VCAM1: variants seen among roughly 807,000 people sequenced by gnomAD.
VCAM1 encodes vascular cell adhesion protein 1.
Under a neutral mutation model 63.8 loss-of-function variants are expected in VCAM1, and 41 were observed. The observed-to-expected ratio is 0.64, with a 90% CI of 0.50 to 0.83. The LOEUF (loss-of-function observed/expected upper bound fraction) is 0.83. Among genes scored for constraint, VCAM1 ranks in the 40% least tolerant of loss-of-function variants. The pLI, the probability that VCAM1 is intolerant of heterozygous loss-of-function variation, is 0.00. For synonymous variants in VCAM1, 338 were observed against 320.7 expected (o/e 1.05, Z -0.58); for missense variants, 798 against 875.5 (o/e 0.91, Z 1.12).
chr1:100,732,586 C>G lies in VCAM1; in HGVS notation c.1694C>G (p.Thr565Ser), dbSNP rs751269288. ...CCTCTTTCTGAGAATGCAACTCTCACCTTAATTTCTACAAAAATGGAAGAT... is the reference window on the plus strand; with the variant it reads ...CCTCTTTCTGAGAATGCAACTCTCAGCTTAATTTCTACAAAAATGGAAGAT... ...LQPLSENATL[T>S]LISTKMEDSG... The change falls in exon 7 of 9, where the codon ACC becomes AGC. Residue 565 changes from threonine to serine, a missense_variant. Thr to Ser is a moderately conservative substitution (Grantham distance 58). Coordinates refer to ENST00000294728, the MANE Select transcript of VCAM1 (RefSeq NM_001078.4). The G allele has an allele frequency of 3.7e-6, 6 of 1,613,300 alleles. No homozygotes were observed. The highest frequency in any genetic ancestry group is 5.1e-6 in the Non-Finnish European group (6 of 1,179,712).
At chr1:100,722,438 A>C (rs1659987473) in intron 2 of VCAM1, among the ~76,000 whole-genome samples, 1 of 152,120 alleles carries the variant, frequency 6.6e-6, no homozygotes, top group Admixed American at 6.6e-5. Context: ...TATTCTTTGC[A>C]ATGACATTCC....
Position 100,723,126 on chromosome 1 carries a change from G to T in VCAM1, c.447G>T (p.Glu149Asp), listed in dbSNP as rs751452005. The T allele has an allele frequency of 6.2e-7, 1 of 1,613,104 alleles. No individual in the cohort carries two copies. The highest frequency in any genetic ancestry group is 1.1e-5 in the South Asian group (1 of 91,060). The change falls in exon 3 of 9, where the codon GAG (glutamate) becomes GAT (aspartate). Residue 149 changes from glutamate to aspartate, a missense_variant. Physicochemically the swap from Glu to Asp is conservative, Grantham distance 45. Coordinates refer to ENST00000294728, the MANE Select transcript of VCAM1 (RefSeq NM_001078.4). ...ATGTATACCCATTTGACAGGCTGGA[G>T]ATAGACTTACTGAAAGGAGATCATC... ...VADVYPFDRL[E>D]IDLLKGDHLM...
chr1:100,731,220 C>T lies in VCAM1; in HGVS notation c.1227C>T (p.Ile409=), dbSNP rs749566790. The change falls in exon 6 of 9, where the codon ATC becomes ATT. Residue 409 remains isoleucine (I), a synonymous_variant. Transcript: ENST00000294728. This position sits in a 1 kb window ranked among gnomAD's most constrained non-coding sequence, Gnocchi z 4.2. ...ELYSFPRDPE[I]EMSGGLVNGS... is the part of the protein sequence containing the mutation. The stretch of plus-strand genomic sequence containing the variant: ...CAGCATTCCCTAGAGATCCAGAAAT[C>T]GAGATGAGTGGTGGCCTCGTGAATG... 2.9e-5 allele frequency: 46 copies of T among 1,603,536 alleles called. No homozygotes were observed. In the Admixed American group the frequency reaches 3.3e-4, roughly 11 times the overall value.
chr1:100,728,736 A>T (rs970146850), intron 4 of VCAM1, among the ~76,000 whole-genome samples: 19 of 143,356 alleles, frequency 1.3e-4, no homozygotes, highest in African/African-American at 4.2e-4. Flanking sequence ...ATATATATAT[A>T]TAGTAATTTA....
intron 3 of VCAM1, 81 bp from the exon 4 acceptor site, chr1:100,724,543 T>A: frequency 2.7e-6 from 4 of 1,501,004 alleles, no homozygotes; most frequent in Non-Finnish European, 3.6e-6. Flanking sequence ...TGGAAGCACA[T>A]AAATACTAAG....
chr1:100,731,585 T>A lies in VCAM1; in HGVS notation c.1525+67T>A. The stretch of plus-strand genomic sequence containing the variant: ...CTTTATCGTGTTTGCCAGGCAATAG[T>A]TAACATAAGGTTAATCGTTAAAACC... On this transcript the variant is annotated intron_variant, in intron 6 of 8. Transcript: ENST00000294728. This position sits in a 1 kb window ranked among gnomAD's most constrained non-coding sequence, Gnocchi z 4.2. The A allele has an allele frequency of 7.0e-7, 1 of 1,431,634 alleles. No individual in the cohort carries two copies. The highest frequency in any genetic ancestry group is 9.5e-7 in the Non-Finnish European group (1 of 1,051,262). 88.7% of individuals were successfully genotyped at this position (1,431,634 alleles called of 1,614,324 possible).
intron 4 of VCAM1, among the ~76,000 whole-genome samples, chr1:100,726,896 T>C (rs1221647046): frequency 1.3e-5 from 2 of 152,108 alleles, no homozygotes; most frequent in Admixed American, 6.6e-5. Flanking sequence ...GCACAATGGC[T>C]CAAGCCTATA....
chr1:100,734,397 T>G (rs1660577985), intron 7 of VCAM1, 105 bp from the exon 8 acceptor site: 22 of 1,280,832 alleles, frequency 1.7e-5, no homozygotes, highest in Non-Finnish European at 2.1e-5. Flanking sequence ...ATGCAAACGC[T>G]AAGCACAAAT....
At position 100,731,131 on chromosome 1, in the gene VCAM1, A is replaced by T; in HGVS notation, c.1205-67A>T. On this transcript the variant is annotated intron_variant, in intron 5 of 8. Coordinates refer to ENST00000294728, the MANE Select transcript of VCAM1 (RefSeq NM_001078.4). The surrounding 1 kb of genome is among the most constrained non-coding windows in gnomAD (Gnocchi z 4.2). ...CTGTCATTTTTAGGCCTTTACATTT[A>T]ATAAAGCTTAGCTCAATTTTTCCTT... The T allele has an allele frequency of 6.7e-7, 1 of 1,490,238 alleles. No individual in the cohort carries two copies. Among genetic ancestry groups the T allele is most frequent in the Non-Finnish European group, 9.0e-7 (1 of 1,116,074 alleles). 92.3% of individuals were successfully genotyped at this position (1,490,238 alleles called of 1,614,324 possible). A position where few individuals can be genotyped will look rare whatever the true frequency, so the allele number is the denominator to read the frequency against.
chr1:100,734,790 G>A (rs780284544), intron 8 of VCAM1, 22 bp downstream of exon 8: 3 of 1,610,300 alleles, frequency 1.9e-6, no homozygotes, highest in East Asian at 4.5e-5. Flanking sequence ...TTGAGTTTTT[G>A]TTTTCTTGGT....
intron 5 of VCAM1, among the ~76,000 whole-genome samples, chr1:100,730,877 A>T (rs3176869): frequency 0.11 from 16,778 of 152,172 alleles, 1,243 homozygotes; most frequent in South Asian, 0.24. Context: ...ATACTTACTA[A>T]ATAAGATGGT....
chr1:100,723,251 A>G lies in VCAM1; in HGVS notation c.572A>G (p.Lys191Arg), dbSNP rs763847253. Residue 191 changes from lysine to arginine, a missense_variant, in exon 3 of 9, where the codon AAA (lysine) becomes AGA (arginine). By Grantham distance (26) the Lys-to-Arg change is conservative (BLOSUM62 2). Coordinates refer to ENST00000294728, the MANE Select transcript of VCAM1 (RefSeq NM_001078.4). Reference sequence around the variant, plus strand: ...ACTCCTGTCATTGAGGATATTGGAAAAGTTCTTGTTTGCCGAGCTAAATTA... The same window carrying G: ...ACTCCTGTCATTGAGGATATTGGAAGAGTTCTTGTTTGCCGAGCTAAATTA... ...TFTPVIEDIG[K>R]VLVCRAKLHI... 22 of 1,612,962 alleles carry G rather than the reference A, an allele frequency of 1.4e-5. No individual in the cohort carries two copies. In the East Asian group the frequency reaches 4.7e-4, roughly 34 times the overall value.
rs575584266 is a variant in VCAM1 at position 100,729,353 on chromosome 1, T to G, written c.1175T>G (p.Leu392Arg). ...ACAGTGACTTGTGGACATAAGAAAC[T>G]GGAAAAGGGAATCCAGGTGGAGCTC... ...LCTVTCGHKK[L>R]EKGIQVELYS... Residue 392 changes from leucine to arginine, a missense_variant, in exon 5 of 9, where the codon CTG becomes CGG. By Grantham distance (102) the Leu-to-Arg change is moderately radical. Transcript: ENST00000294728. The G allele has an allele frequency of 1.0e-4, 160 of 1,607,950 alleles. 1 individual carries two copies. In the South Asian group the frequency reaches 1.7e-3, roughly 17 times the overall value.
At chr1:100,735,660 A>T (rs1463524989) in intron 8 of VCAM1, 1 of 152,156 alleles carries the variant, frequency 6.6e-6, no homozygotes, top group African/African-American at 2.4e-5. Context: ...GTCTACCCAA[A>T]TTTCTCAAAA....
At chr1:100,730,037 C>G (rs367996226) in intron 5 of VCAM1, among the ~76,000 whole-genome samples, 1 of 152,060 alleles carries the variant, frequency 6.6e-6, no homozygotes, top group Non-Finnish European at 1.5e-5. Flanking sequence ...GCTGGAGTTC[C>G]TCAGTCCATA....
At position 100,738,273 on chromosome 1, in the gene VCAM1, C is replaced by A; in HGVS notation, c.2210C>A (p.Ser737Ter). The change falls in exon 9 of 9, where the codon TCA (serine) becomes TAA (stop). Residue 737 changes from serine to a stop codon, truncating the protein, a stop_gained. Transcript: ENST00000294728. LOFTEE classifies it high-confidence loss of function. ...TATAGTCTTGTAGAAGCACAGAAGT[C>A]AAAAGTGTAGCTAATGCTTGATATG... ...GSYSLVEAQK[S>*]KV is the part of the protein sequence containing the mutation. 2 of 1,612,818 alleles carry A rather than the reference C, an allele frequency of 1.2e-6. No homozygotes were observed. The highest frequency in any genetic ancestry group is 2.2e-5 in the South Asian group (2 of 90,810).
In VCAM1 at chr1:100,731,177, GT is replaced by G. The variant is rs1660438579; in HGVS notation, c.1205-16del. 1 of 1,564,968 alleles carries G rather than the reference GT, an allele frequency of 6.4e-7. No homozygotes were observed. Among genetic ancestry groups the G allele is most frequent in the Non-Finnish European group, 8.6e-7 (1 of 1,158,574 alleles). ...TCCTTGAATATCAAGAATAAAAATC[GT>G]TTTTGCTTGCGATTTGCAGCATTCC... is the stretch of plus-strand genomic sequence containing the variant. On this transcript the variant is annotated intron_variant, in intron 5 of 8. Transcript: ENST00000294728. This position sits in a 1 kb window ranked among gnomAD's most constrained non-coding sequence, Gnocchi z 4.2.
At position 100,725,411 on chromosome 1, in the gene VCAM1, C is replaced by T. The variant is rs202223075; in HGVS notation, c.928+521C>T. 2.9e-4 allele frequency among the ~76,000 whole-genome samples: 44 copies of T among 152,110 alleles called. No individual in the cohort carries two copies. In the East Asian group the frequency reaches 4.3e-3, roughly 15 times the overall value. Reference sequence around the variant, plus strand: ...CAAGATATTCTTACATAACAGCATTCGCTAAACACCAGATAGGTTTCTGGC... The same window carrying T: ...CAAGATATTCTTACATAACAGCATTTGCTAAACACCAGATAGGTTTCTGGC... On this transcript the variant is annotated intron_variant, in intron 4 of 8. Coordinates refer to ENST00000294728, the MANE Select transcript of VCAM1 (RefSeq NM_001078.4).
chr1:100,731,580 A>G lies in VCAM1; in HGVS notation c.1525+62A>G. 6.9e-7 allele frequency: 1 copy of G among 1,447,044 alleles called. No homozygotes were observed. The highest frequency in any genetic ancestry group is 1.3e-5 in the South Asian group (1 of 74,532). The allele number at this position is 1,447,044 out of a possible 1,614,324, so 89.6% of individuals were successfully genotyped here. A position where few individuals can be genotyped will look rare whatever the true frequency, so the allele number is the denominator to read the frequency against. On this transcript the variant is annotated intron_variant, in intron 6 of 8. Coordinates refer to ENST00000294728, the MANE Select transcript of VCAM1 (RefSeq NM_001078.4). This position sits in a 1 kb window ranked among gnomAD's most constrained non-coding sequence, Gnocchi z 4.2. ...TGTCTCTTTATCGTGTTTGCCAGGC[A>G]ATAGTTAACATAAGGTTAATCGTTA...
Sources: gnomAD v4.1 joint callset for allele counts (sites outside exome capture counted in the v4.1 genomes callset) on GRCh38, gnomAD v4.1.1 for gene constraint, Gnocchi (gnomAD v3.1) non-coding constraint, MANE v1.5 for transcripts, NCBI Gene and HGNC (gene_info 2026-07-23, HGNC 2026-07-21) for gene names.